Variants in NPHP4 observed in about 807,000 individuals in gnomAD.
NPHP4 encodes the protein nephrocystin 4, also known as nephrocystin-4.
In NPHP4, 151 loss-of-function variants were observed where a neutral mutation model predicts 155.8. That is an observed-to-expected ratio of 0.97 (90% CI 0.85 to 1.11). The LOEUF (loss-of-function observed/expected upper bound fraction) is 1.11. NPHP4 is among the 50% of genes least tolerant of loss of function. The pLI is 0.00. For synonymous variants in NPHP4, 845 were observed against 816.8 expected (o/e 1.03, Z -0.59); for missense variants, 1,956 against 1,925.7 (o/e 1.02, Z -0.29).
chr1:5,991,480 G>A (rs1438297438), intron 1 of NPHP4: 1 of 152,240 alleles, frequency 6.6e-6, no homozygotes, highest in Non-Finnish European at 1.5e-5. Flanking sequence ...GTCCACCAAA[G>A]CCACACATCG....
At chr1:5,935,403 G>A (rs1646487194) in intron 9 of NPHP4, among the ~76,000 whole-genome samples, 2 of 152,158 alleles carry the variant, frequency 1.3e-5, no homozygotes, top group Admixed American at 1.3e-4. Flanking sequence ...GAAGGACATA[G>A]AATCAGAAAA....
chr1:5,959,168 C>T (rs1198195603), intron 6 of NPHP4, among the ~76,000 whole-genome samples: 1 of 152,130 alleles, frequency 6.6e-6, no homozygotes, highest in Middle Eastern at 3.2e-3. Context: ...GTGTGCTCAC[C>T]CTGCCCTCAG....
At position 5,874,644 on chromosome 1, in the gene NPHP4, T is replaced by C; in HGVS notation, c.3058A>G (p.Ser1020Gly). Reference protein sequence around the residue: ...DNPELSVIVDSQEWRDFKGAA... With the variant: ...DNPELSVIVDGQEWRDFKGAA... ...CCCTTGAAGTCCCTCCACTCCTGAC[T>C]GTCCACGATGACGCTGGGGGAGGCA... is the stretch of plus-strand genomic sequence containing the variant. The change falls in exon 22 of 30, where the codon AGT becomes GGT. Residue 1020 changes from serine (S) to glycine (G), a missense_variant. By Grantham distance (56) the Ser-to-Gly change is moderately conservative. Transcript: ENST00000378156. The C allele has an allele frequency of 2.5e-6, 4 of 1,611,784 alleles. No homozygotes were observed. Among genetic ancestry groups the C allele is most frequent in the Non-Finnish European group, 3.4e-6 (4 of 1,179,500 alleles).
chr1:5,887,068 C>A, intron 18 of NPHP4: 1 of 573,096 alleles, frequency 1.7e-6, no homozygotes, highest in Non-Finnish European at 3.1e-6. Flanking sequence ...TGACTGATGA[C>A]CTCTAACCCC....
intron 16 of NPHP4, among the ~76,000 whole-genome samples, chr1:5,896,849 C>A (rs12058375): frequency 0.11 from 17,235 of 152,058 alleles, 1,154 homozygotes; most frequent in East Asian, 0.21. Context: ...GAAAGCAGGA[C>A]GCGCTCAAAG....
rs564701864 is a variant in NPHP4 at position 5,905,079 on chromosome 1, T to C, written c.1955+213A>G. The stretch of plus-strand genomic sequence containing the variant: ...GGACAACCCACCGTCCACATTTTAA[T>C]GAAGGACCACAAAAGATGGGGTAAA... On this transcript the variant is annotated intron_variant, in intron 15 of 29. Transcript: ENST00000378156. The surrounding 1 kb of genome is among the most constrained non-coding windows in gnomAD (Gnocchi z 4.0). Among the ~76,000 whole-genome samples, 1 of 152,296 alleles carries C rather than the reference T, an allele frequency of 6.6e-6. No homozygotes were observed. Among genetic ancestry groups the C allele is most frequent in the South Asian group, 2.1e-4 (1 of 4,820 alleles).
intron 1 of NPHP4, among the ~76,000 whole-genome samples, chr1:5,988,177 A>T (rs1170319078): frequency 6.6e-6 from 1 of 152,262 alleles, no homozygotes; most frequent in Non-Finnish European, 1.5e-5. Context: ...CGAAGAGTTC[A>T]TTCACATGGT....
intron 11 of NPHP4, among the ~76,000 whole-genome samples, chr1:5,916,225 C>T (rs1645463489): frequency 6.6e-6 from 1 of 152,082 alleles, no homozygotes; most frequent in African/African-American, 2.4e-5. Context: ...AAACTTTGCT[C>T]CCTTGCAATG....
intron 6 of NPHP4, 147 bp from the exon 7 acceptor site, chr1:5,952,983 G>C: frequency 1.6e-6 from 1 of 643,186 alleles, no homozygotes; most frequent in South Asian, 2.2e-5. Context: ...CAAGGCCCAA[G>C]CCAAGCCTCC....
In NPHP4 at chr1:5,892,005, G is replaced by A. The variant is rs1347786209; in HGVS notation, c.2144-977C>T. Among the ~76,000 whole-genome samples, 2 of 152,254 alleles carry A rather than the reference G, an allele frequency of 1.3e-5. No homozygotes were observed. Among genetic ancestry groups the A allele is most frequent in the Non-Finnish European group, 2.9e-5 (2 of 68,040 alleles). On this transcript the variant is annotated intron_variant, in intron 16 of 29. Transcript: ENST00000378156. The surrounding 1 kb of genome is among the most constrained non-coding windows in gnomAD (Gnocchi z 4.5). ...GGGTGGAGCAAGGACCCACTGCTCA[G>A]GCCCGGCGCTGGCCACAGCAGGAGC... is the stretch of plus-strand genomic sequence containing the variant.
At position 5,867,793 on chromosome 1, in the gene NPHP4, T is replaced by C. The variant is rs1641403279; in HGVS notation, c.3419A>G (p.Glu1140Gly). The change falls in exon 24 of 30, where the codon GAG becomes GGG. Residue 1140 changes from glutamate (E) to glycine (G), a missense_variant. Transcript: ENST00000378156. The surrounding 1 kb of genome is among the most constrained non-coding windows in gnomAD (Gnocchi z 4.1). The part of the protein sequence containing the change: ...VDQVFRFYHP[E>G]LSFLKKAIRL... The stretch of plus-strand genomic sequence containing the variant: ...GATGGCCTTCTTCAGGAAGGAGAGC[T>C]CCGGGTGATAGAAGCGGAAGACCTG... 6.2e-7 allele frequency: 1 copy of C among 1,612,626 alleles called. No individual in the cohort carries two copies. The highest frequency in any genetic ancestry group is 8.5e-7 in the Non-Finnish European group (1 of 1,179,852).
intron 16 of NPHP4, among the ~76,000 whole-genome samples, chr1:5,900,397 G>A (rs1311600838): frequency 7.9e-5 from 12 of 152,188 alleles, no homozygotes; most frequent in East Asian, 5.8e-4. Context: ...GTGAGTGAGC[G>A]AGACACAAAA....
intron 2 of NPHP4, among the ~76,000 whole-genome samples, chr1:5,985,529 G>A (rs904017039): frequency 6.6e-6 from 1 of 152,272 alleles, no homozygotes; most frequent in Admixed American, 6.5e-5. Flanking sequence ...CTGAAAGCGG[G>A]CCATGCTGAG....
chr1:5,989,396 G>A (rs1409420997), intron 1 of NPHP4, among the ~76,000 whole-genome samples: 2 of 152,166 alleles, frequency 1.3e-5, no homozygotes, highest in Admixed American at 6.5e-5. Flanking sequence ...ATCTCCCCCA[G>A]GAGGGCTTCC....
rs1645199426 is a variant in NPHP4 at position 5,911,964 on chromosome 1, G to A, written c.1442-2751C>T. Among the ~76,000 whole-genome samples, 3 of 152,322 alleles carry A rather than the reference G, an allele frequency of 2.0e-5. No individual in the cohort carries two copies. The South Asian group carries it at 6.2e-4, about 32-fold the overall frequency. ...GAAGCCTGACTTCCGCCACATAACA[G>A]GACTTGGCTGACAAGCACCTGGGCC... is the stretch of plus-strand genomic sequence containing the variant. On this transcript the variant is annotated intron_variant, in intron 11 of 29. Transcript: ENST00000378156.
intron 10 of NPHP4, among the ~76,000 whole-genome samples, chr1:5,928,936 G>A (rs115038588): frequency 1.3e-3 from 203 of 152,166 alleles, no homozygotes; most frequent in African/African-American, 4.7e-3. Flanking sequence ...CAATTATTTA[G>A]GTCTTCTTTG....
intron 6 of NPHP4, among the ~76,000 whole-genome samples, chr1:5,955,308 T>C (rs1013003143): frequency 1.3e-5 from 2 of 152,248 alleles, no homozygotes; most frequent in South Asian, 2.1e-4. Flanking sequence ...ACAGCCACTA[T>C]GGAAAACTAG....
chr1:5,984,018 T>C (rs541960579), intron 2 of NPHP4, among the ~76,000 whole-genome samples: 1 of 152,220 alleles, frequency 6.6e-6, no homozygotes, highest in African/African-American at 2.4e-5. Flanking sequence ...GGAATTATTC[T>C]ACAGACATAT....
intron 5 of NPHP4, among the ~76,000 whole-genome samples, chr1:5,965,466 G>C (rs1284786227): frequency 1.3e-5 from 2 of 152,098 alleles, no homozygotes; most frequent in Admixed American, 6.5e-5. Context: ...GAAAATCCCA[G>C]CATATGACTA....
Sources: gnomAD v4.1 joint callset for allele counts (sites outside exome capture counted in the v4.1 genomes callset) on GRCh38, gnomAD v4.1.1 for gene constraint, Gnocchi (gnomAD v3.1) non-coding constraint, MANE v1.5 for transcripts, NCBI Gene and HGNC (gene_info 2026-07-23, HGNC 2026-07-21) for gene names.